HDX: variants seen among roughly 807,000 people sequenced by gnomAD.
The protein encoded by HDX is chromosome X open reading frame 43.
HDX carries 19 observed loss-of-function variants against 45.2 expected under a neutral mutation model. The observed-to-expected ratio is 0.42, with a 90% CI of 0.29 to 0.62. The LOEUF (loss-of-function observed/expected upper bound fraction) is 0.62. Ranked by LOEUF, HDX falls within the 20% of genes least tolerant of loss-of-function variation. The probability of loss-of-function intolerance (pLI) is 0.20; values close to 1 mark genes in which losing one functional copy is unlikely to be tolerated. For missense variants in HDX, 532 were observed against 493.9 expected, an observed-to-expected ratio of 1.08 and a Z score of -0.73; for synonymous variants, 188 against 172.8, an observed-to-expected ratio of 1.09 and a Z score of -0.69.
At chrX:84,406,386 G>T (rs1282524328) in intron 5 of HDX, among the ~76,000 whole-genome samples, 2 of 106,479 alleles carry the variant, frequency 1.9e-5, no homozygotes, top group Admixed American at 2.0e-4. Context: ...TTGGGCTAGA[G>T]AAGTGGCTGT....
At position 84,326,201 on chromosome X, in the gene HDX, C is replaced by A. The variant is rs1453333272; in HGVS notation, c.1924G>T (p.Ala642Ser). 8.3e-7 allele frequency: 1 copy of A among 1,207,174 alleles called. No individual in the cohort carries two copies. Among genetic ancestry groups the A allele is most frequent in the East Asian group, 3.0e-5 (1 of 33,753 alleles). The change falls in exon 10 of 11, where the codon GCT (alanine) becomes TCT (serine). Residue 642 changes from alanine (A) to serine (S), a missense_variant. Ala to Ser is a moderately conservative substitution (Grantham distance 99). This residue lies in a region of HDX where 151 missense variants were observed against 131.8 expected (regional missense o/e 1.15). Coordinates refer to ENST00000373177, the MANE Select transcript of HDX (RefSeq NM_001177479.2). ...ACCTGCTGTTGTTCCTTATCATCAG[C>A]TTTCATTGCTAATATCAAGCTTCTA... ...FVRSLILAMK[A>S]DDKEQQQALL...
chrX:84,470,865 A>ATTGT lies in HDX; in HGVS notation c.148-1291_148-1290insACAA, dbSNP rs1262232353. Among the ~76,000 whole-genome samples, 164 of 111,683 alleles carry ATTGT rather than the reference A, an allele frequency of 1.5e-3. 1 individual carries two copies. The highest frequency in any genetic ancestry group is 5.2e-3 in the African/African-American group (159 of 30,796). On this transcript the variant is annotated intron_variant, in intron 3 of 10. Transcript: ENST00000373177. ...ACCAAAGCACATTAATCTATTAAGA[A>ATTGT]TTAAACAGGCCATGCACAGTGGCTC... is the stretch of plus-strand genomic sequence containing the variant.
intron 4 of HDX, among the ~76,000 whole-genome samples, chrX:84,459,176 C>T (rs1308013620): frequency 2.7e-5 from 3 of 111,642 alleles, no homozygotes; most frequent in African/African-American, 9.8e-5. Context: ...GGCGTGGTGG[C>T]TCATGCCTGT....
chrX:84,352,003 A>G (rs757686936), intron 6 of HDX, among the ~76,000 whole-genome samples: 3 of 112,063 alleles, frequency 2.7e-5, no homozygotes, highest in African/African-American at 9.7e-5. Flanking sequence ...TAGTGTAGAA[A>G]ACCACTAAAT....
chrX:84,502,011 G>C (rs1005172246), intron 1 of HDX, among the ~76,000 whole-genome samples: 3 of 111,301 alleles, frequency 2.7e-5, no homozygotes, highest in Non-Finnish European at 5.7e-5. Context: ...TCCTTTCTTC[G>C]GAGGCAGAGG....
intron 9 of HDX, among the ~76,000 whole-genome samples, chrX:84,331,804 C>G (rs1432905148): frequency 9.0e-6 from 1 of 111,584 alleles, no homozygotes. Context: ...AATACAGTGA[C>G]ATGCTGTACA....
intron 3 of HDX, among the ~76,000 whole-genome samples, chrX:84,474,019 G>A (rs2040499443): frequency 2.7e-5 from 3 of 112,276 alleles, no homozygotes; most frequent in African/African-American, 6.5e-5. Context: ...GGCCGGGCGC[G>A]GTGGCTCACG....
chrX:84,482,663 A>G (rs1233996570), intron 2 of HDX, among the ~76,000 whole-genome samples: 1 of 111,307 alleles, frequency 9.0e-6, no homozygotes, highest in East Asian at 2.8e-4. Flanking sequence ...TGGTGGGGAC[A>G]CAGCCAAACC....
intron 9 of HDX, among the ~76,000 whole-genome samples, chrX:84,331,579 G>T (rs1438059757): frequency 9.0e-6 from 1 of 111,277 alleles, no homozygotes; most frequent in Admixed American, 9.6e-5. Flanking sequence ...CTCACAGGAG[G>T]TTTAGGATGA....
chrX:84,487,932 T>C (rs1238957019), intron 2 of HDX, 92 bp downstream of exon 2: 1 of 112,097 alleles, frequency 8.9e-6, no homozygotes, highest in Non-Finnish European at 1.9e-5. Context: ...ATTGCAGTTT[T>C]AGCCAGTAAT....
chrX:84,462,583 G>A (rs1265643879), intron 4 of HDX, among the ~76,000 whole-genome samples: 2 of 111,152 alleles, frequency 1.8e-5, no homozygotes, highest in East Asian at 2.8e-4. Context: ...TGGCAAATAA[G>A]TATTGTGCTG....
chrX:84,445,048 A>ATTT (rs1414489628), intron 4 of HDX, among the ~76,000 whole-genome samples: 1 of 112,044 alleles, frequency 8.9e-6, no homozygotes, highest in African/African-American at 3.2e-5. Flanking sequence ...TATTCTAATT[A>ATTT]TTTTATGTAG....
rs767584365 is a variant in HDX, at chrX:84,468,643, C to T, written c.1080G>A (p.Met360Ile). 1.7e-6 allele frequency: 2 copies of T among 1,207,852 alleles called. No individual in the cohort carries two copies. Among genetic ancestry groups the T allele is most frequent in the Non-Finnish European group, 1.1e-6 (1 of 892,136 alleles). ...TGTTTTGATACAGTACATTGTCTGA[C>T]ATATCTCTAATATTCACCATTTGTG... ...PNSQMVNIRD[M>I]SDNVLYQNRN... The change falls in exon 4 of 11, where the codon ATG becomes ATA. Residue 360 changes from methionine (M) to isoleucine (I), a missense_variant. Around this residue, in one of 3 missense-constraint regions of HDX, gnomAD observed 376 missense variants for 343.7 expected, o/e 1.09. Transcript: ENST00000373177.
chrX:84,322,068 A>G, intron 10 of HDX, 54 bp from the exon 11 acceptor site: 1 of 771,334 alleles, frequency 1.3e-6, no homozygotes, highest in Non-Finnish European at 1.8e-6. Flanking sequence ...TTGTTTTCCA[A>G]TTTATATTAA....
chrX:84,339,634 T>A (rs2037041507), intron 7 of HDX, among the ~76,000 whole-genome samples: 1 of 111,675 alleles, frequency 9.0e-6, no homozygotes, highest in African/African-American at 3.3e-5. Flanking sequence ...TCTACGTGCC[T>A]GGTAATTCCC....
chrX:84,496,512 G>T (rs1230176715), intron 1 of HDX, among the ~76,000 whole-genome samples: 3 of 110,245 alleles, frequency 2.7e-5, no homozygotes, highest in Non-Finnish European at 5.7e-5. Flanking sequence ...AACACACTTT[G>T]AATAGCAAGG....
At chrX:84,449,636 A>G (rs948206289) in intron 4 of HDX, among the ~76,000 whole-genome samples, 4 of 111,776 alleles carry the variant, frequency 3.6e-5, no homozygotes, top group African/African-American at 9.8e-5. Flanking sequence ...ATTCACCACC[A>G]CTAGACTCAC....
Position 84,319,341 on chromosome X carries a change from C to A in HDX, c.*2548G>T, listed in dbSNP as rs1307985069. The A allele has an allele frequency of 9.0e-6, 1 of 110,953 alleles. No homozygotes were observed. Among genetic ancestry groups the A allele is most frequent in the Non-Finnish European group, 1.9e-5 (1 of 52,466 alleles). 9.1% of individuals were successfully genotyped at this position (110,953 alleles called of 1,213,427 possible). A position where few individuals can be genotyped will look rare whatever the true frequency, so the allele number is the denominator to read the frequency against. The stretch of plus-strand genomic sequence containing the variant: ...TTTCCTGCTCTAACATATCTCAAAA[C>A]CAACTCCTATCTACATATGTAAAAA... On this transcript the variant is annotated 3_prime_UTR_variant, in exon 11 of 11. Transcript: ENST00000373177.
chrX:84,331,861 G>A (rs1345104482), intron 9 of HDX, among the ~76,000 whole-genome samples: 1 of 111,715 alleles, frequency 9.0e-6, no homozygotes, highest in Non-Finnish European at 1.9e-5. Context: ...CCCTAGGTAT[G>A]TAGTAGGCTA....
Sources: allele counts gnomAD v4.1 joint callset (sites outside exome capture counted in the v4.1 genomes callset), GRCh38; gene constraint gnomAD v4.1.1; regional missense constraint gnomAD v4.1.1; transcripts MANE v1.5; gene names NCBI Gene and HGNC (gene_info 2026-07-23, HGNC 2026-07-21).